Variants in CHFR observed in about 807,000 individuals in gnomAD.
CHFR encodes E3 ubiquitin-protein ligase CHFR.
CHFR carries 57 observed loss-of-function variants against 87.6 expected under a neutral mutation model. That is an observed-to-expected ratio of 0.65 (90% CI 0.53 to 0.81). The LOEUF (loss-of-function observed/expected upper bound fraction) is 0.81, where lower values mean the gene tolerates loss of function less well. CHFR is among the 30% of genes least tolerant of loss of function. The probability of loss-of-function intolerance (pLI) is 0.00; values close to 1 mark genes in which losing one functional copy is unlikely to be tolerated. For missense variants in CHFR, 797 were observed against 865.8 expected (o/e 0.92, Z 1.00); for synonymous variants, 381 against 359.2 (o/e 1.06, Z -0.69).
intron 9 of CHFR, 145 bp from the exon 10 acceptor site, chr12:132,856,775 G>A: frequency 1.1e-6 from 1 of 925,546 alleles, no homozygotes; most frequent in Non-Finnish European, 1.8e-6. Flanking sequence ...TGCTGGTGGA[G>A]GGACTGCCCT....
intron 11 of CHFR, among the ~76,000 whole-genome samples, chr12:132,852,329 CA>C (rs1950967177): frequency 6.6e-6 from 1 of 152,096 alleles, no homozygotes; most frequent in African/African-American, 2.4e-5. Flanking sequence ...AAAGAGAGGA[CA>C]AGCCCATAGA....
intron 7 of CHFR, among the ~76,000 whole-genome samples, chr12:132,861,068 G>A (rs1258938912): frequency 1.3e-5 from 2 of 152,120 alleles, no homozygotes; most frequent in African/African-American, 4.8e-5. Context: ...TTTATTTTTA[G>A]AGATAAAGTC....
chr12:132,855,537 T>C (rs544205773), intron 10 of CHFR, among the ~76,000 whole-genome samples: 42 of 150,264 alleles, frequency 2.8e-4, no homozygotes, highest in Non-Finnish European at 4.6e-4. Context: ...TGTGGTGGCA[T>C]GCGCCTGTAG....
intron 14 of CHFR, chr12:132,847,345 G>T (rs1950852929): frequency 3.0e-6 from 4 of 1,311,640 alleles, no homozygotes; most frequent in Non-Finnish European, 3.9e-6. Flanking sequence ...AGGTTCCAGT[G>T]TAACAGTTAC....
chr12:132,861,784 C>A, intron 6 of CHFR, 150 bp from the exon 7 acceptor site: 1 of 642,632 alleles, frequency 1.6e-6, no homozygotes, highest in South Asian at 2.0e-5. Flanking sequence ...GGAGTGTGTG[C>A]TCACTCAACT....
intron 2 of CHFR, among the ~76,000 whole-genome samples, chr12:132,879,314 C>T (rs1024904961): frequency 2.0e-5 from 3 of 151,098 alleles, no homozygotes; most frequent in African/African-American, 7.3e-5. Flanking sequence ...CATTTGTACA[C>T]GTATAAGAAA....
chr12:132,861,268 A>G (rs1025980999), intron 7 of CHFR, among the ~76,000 whole-genome samples, 199 bp downstream of exon 7: 7 of 152,208 alleles, frequency 4.6e-5, no homozygotes, highest in African/African-American at 1.4e-4. Context: ...TCACAGTTCT[A>G]TCTGGATTAT....
At chr12:132,877,922 C>T (rs960154525) in intron 2 of CHFR, among the ~76,000 whole-genome samples, 11 of 152,176 alleles carry the variant, frequency 7.2e-5, no homozygotes, top group Non-Finnish European at 5.9e-5. Flanking sequence ...CCTGCCTCAG[C>T]CTCCAGAGTA....
At position 132,868,961 on chromosome 12, in the gene CHFR, G is replaced by C. The variant is rs115422003; in HGVS notation, c.583+658C>G. Among the ~76,000 whole-genome samples the C allele has an allele frequency of 9.5e-4, 61 of 63,944 alleles. 7 individuals are homozygous for C. Among genetic ancestry groups the C allele is most frequent in the African/African-American group, 4.4e-3 (54 of 12,148 alleles). The allele number at this position is 63,944 out of a possible 152,430, so 41.9% of individuals were successfully genotyped here. The stretch of plus-strand genomic sequence containing the variant: ...GAAGGGGACATGGGGAGTGATTGCT[G>C]GTGGGGCCGAGGGGAAGGGGACATG... On this transcript the variant is annotated intron_variant, in intron 6 of 17. Transcript: ENST00000450056.
At chr12:132,863,437 C>T (rs541056471) in intron 6 of CHFR, among the ~76,000 whole-genome samples, 5 of 151,974 alleles carry the variant, frequency 3.3e-5, no homozygotes, top group South Asian at 4.2e-4. Flanking sequence ...ACCCAGGAGG[C>T]GGAGTTGCAG....
At chr12:132,880,248 A>ACCACC (rs1259477840) in intron 2 of CHFR, among the ~76,000 whole-genome samples, 1 of 152,214 alleles carries the variant, frequency 6.6e-6, no homozygotes, top group African/African-American at 2.4e-5. Flanking sequence ...TGAAACTTCC[A>ACCACC]GTGGAAAAGA....
At chr12:132,868,740 T>C (rs1593500539) in intron 6 of CHFR, among the ~76,000 whole-genome samples, 1 of 141,710 alleles carries the variant, frequency 7.1e-6, no homozygotes, top group Admixed American at 7.5e-5. Flanking sequence ...AACAGAAAAA[T>C]CCAGAGGCCG....
chr12:132,833,650 T>C lies in CHFR; in HGVS notation c.*7904A>G, dbSNP rs993703230. ...CCTGGGCAACATGGTGAAACCCTGC[T>C]CTCTACTAAAAATTAGCTGGGTGTG... On this transcript the variant is annotated 3_prime_UTR_variant, in exon 18 of 18. Coordinates refer to ENST00000450056, the MANE Select transcript of CHFR (RefSeq NM_001161346.2). 6.6e-6 allele frequency: 1 copy of C among 152,110 alleles called. No individual in the cohort carries two copies. Among genetic ancestry groups the C allele is most frequent in the African/African-American group, 2.4e-5 (1 of 41,392 alleles). 9.4% of individuals were successfully genotyped at this position (152,110 alleles called of 1,614,324 possible).
chr12:132,858,311 G>A (rs1049798084), intron 8 of CHFR, among the ~76,000 whole-genome samples: 3 of 152,088 alleles, frequency 2.0e-5, no homozygotes, highest in Non-Finnish European at 4.4e-5. Context: ...AGTGAGCCAA[G>A]ATCACACCAC....
At chr12:132,861,339 AT>A in intron 7 of CHFR, 127 bp downstream of exon 7, 1 of 910,830 alleles carries the variant, frequency 1.1e-6, no homozygotes. Context: ...TGTTACAGGC[AT>A]CAACCTGAGG....
chr12:132,835,634 A>T lies in CHFR; in HGVS notation c.*5920T>A. On this transcript the variant is annotated 3_prime_UTR_variant, in exon 18 of 18. Coordinates refer to ENST00000450056, the MANE Select transcript of CHFR (RefSeq NM_001161346.2). ...AGCCAAGGAGACAGACCAAAGAGGAACCGGCCCCGCTGACACCCTGATCTC... is the reference window on the plus strand; with the variant it reads ...AGCCAAGGAGACAGACCAAAGAGGATCCGGCCCCGCTGACACCCTGATCTC... 1.0e-5 allele frequency: 2 copies of T among 192,310 alleles called. No individual in the cohort carries two copies. The highest frequency in any genetic ancestry group is 1.5e-4 in the South Asian group (2 of 13,434). 11.9% of individuals were successfully genotyped at this position (192,310 alleles called of 1,614,324 possible).
intron 14 of CHFR, chr12:132,847,469 A>T: frequency 9.0e-7 from 1 of 1,108,334 alleles, no homozygotes; most frequent in Middle Eastern, 4.2e-4. Flanking sequence ...TGCACAAGAA[A>T]AGCTGAGGAC....
chr12:132,861,413 G>A lies in CHFR; in HGVS notation c.751+54C>T, dbSNP rs990073140. On this transcript the variant is annotated intron_variant, in intron 7 of 17. Transcript: ENST00000450056. ...AGCACGGAGCATGGCAGCGGCCCCCGCATGCCCCAGGAGCACACGAGAGGA... is the reference window on the plus strand; with the variant it reads ...AGCACGGAGCATGGCAGCGGCCCCCACATGCCCCAGGAGCACACGAGAGGA... 29 of 1,565,244 alleles carry A rather than the reference G, an allele frequency of 1.9e-5. No individual in the cohort carries two copies. Among genetic ancestry groups the A allele is most frequent in the East Asian group, 4.5e-5 (2 of 44,346 alleles).
chr12:132,887,083 T>C (rs1347881126), intron 2 of CHFR, 113 bp downstream of exon 2: 3 of 887,678 alleles, frequency 3.4e-6, no homozygotes, highest in Non-Finnish European at 3.2e-6. Context: ...TTACATGACA[T>C]TTCACTCCAC....
Sources: allele counts gnomAD v4.1 joint callset (sites outside exome capture counted in the v4.1 genomes callset), GRCh38; gene constraint gnomAD v4.1.1; transcripts MANE v1.5; gene names NCBI Gene and HGNC (gene_info 2026-07-23, HGNC 2026-07-21).